RRP7A: variants seen among roughly 807,000 people sequenced by gnomAD.
RRP7A encodes ribosomal RNA processing 7 homolog A.
RRP7A carries 27 observed loss-of-function variants against 38.4 expected under a neutral mutation model. The ratio of observed to expected loss-of-function variants is 0.70; its 90% CI spans 0.52 to 0.97. The LOEUF is 0.97. RRP7A is among the 50% of genes least tolerant of loss of function. The pLI, the probability that RRP7A is intolerant of heterozygous loss-of-function variation, is 0.00. For synonymous variants in RRP7A, 124 were observed against 150.3 expected, an observed-to-expected ratio of 0.83 and a Z score of 1.28; for missense variants, 327 against 375.4, an observed-to-expected ratio of 0.87 and a Z score of 1.07.
At chr22:42,514,376 C>T in intron 5 of RRP7A, 72 bp from the exon 6 acceptor site, 2 of 1,136,818 alleles carry the variant, frequency 1.8e-6, no homozygotes, top group Non-Finnish European at 2.5e-6. Flanking sequence ...CCACGCCCTC[C>T]TCCCAAAGTC....
chr22:42,516,898 A>G (rs5758780), intron 2 of RRP7A, among the ~76,000 whole-genome samples: 81,051 of 151,644 alleles, frequency 0.53, 23,851 homozygotes, highest in East Asian at 0.88. Context: ...GTCAGAACTC[A>G]CACCCCCTCT....
At chr22:42,519,656 C>G (rs894444984) in intron 1 of RRP7A, 58 bp downstream of exon 1, 35 of 1,386,132 alleles carry the variant, frequency 2.5e-5, no homozygotes, top group Non-Finnish European at 3.2e-5. Flanking sequence ...TCGCCAACCC[C>G]CAAACACCTC....
Position 42,508,982 on chromosome 22 carries a change from T to C in RRP7A, c.*3928A>G. The C allele has an allele frequency of 6.2e-7, 1 of 1,612,024 alleles. No homozygotes were observed. Among genetic ancestry groups the C allele is most frequent in the Non-Finnish European group, 8.5e-7 (1 of 1,178,662 alleles). ...GAGATGGGTTTCGTGCCCACGAGAG[T>C]GCCTGTGCCTTGTGACGAGAATTCA... On this transcript the variant is annotated 3_prime_UTR_variant, in exon 7 of 7. Transcript: ENST00000323013.
rs181115402 is a variant in RRP7A, at chr22:42,512,949, G to C, written c.804C>G (p.Ile268Met). 9.3e-6 allele frequency: 15 copies of C among 1,613,476 alleles called. No homozygotes were observed. The highest frequency in any genetic ancestry group is 6.7e-5 in the African/African-American group (5 of 74,912). ...ATTTGCGCTGGGCCCGCAGCAGCTCGATCCTCTGCTTGTCCTCCTCGAACT... is the reference window on the plus strand; with the variant it reads ...ATTTGCGCTGGGCCCGCAGCAGCTCCATCCTCTGCTTGTCCTCCTCGAACT... ...RKKFEEDKQR[I>M]ELLRAQRKFR... Residue 268 changes from isoleucine to methionine, a missense_variant, in exon 7 of 7, where the codon ATC (isoleucine) becomes ATG (methionine). Ile to Met is a conservative substitution (Grantham distance 10). Transcript: ENST00000323013.
At position 42,512,519 on chromosome 22, in the gene RRP7A, G is replaced by C; in HGVS notation, c.*391C>G. 3 of 547,592 alleles carry C rather than the reference G, an allele frequency of 5.5e-6. No individual in the cohort carries two copies. The highest frequency in any genetic ancestry group is 2.2e-5 in the South Asian group (1 of 45,874). The allele number at this position is 547,592 out of a possible 1,614,324, so 33.9% of individuals were successfully genotyped here. A position where few individuals can be genotyped will look rare whatever the true frequency, so the allele number is the denominator to read the frequency against. Reference sequence around the variant, plus strand: ...GGCTGGGCCCACCTAGCCTTTCCCTGCTGCCCAACTGGATGGAAAATAAAA... The same window carrying C: ...GGCTGGGCCCACCTAGCCTTTCCCTCCTGCCCAACTGGATGGAAAATAAAA... On this transcript the variant is annotated 3_prime_UTR_variant, in exon 7 of 7. Coordinates refer to ENST00000323013, the MANE Select transcript of RRP7A (RefSeq NM_015703.5).
chr22:42,514,132 C>T lies in RRP7A; in HGVS notation c.731G>A (p.Trp244Ter). 1.9e-6 allele frequency: 3 copies of T among 1,613,402 alleles called. No homozygotes were observed. Among genetic ancestry groups the T allele is most frequent in the Non-Finnish European group, 1.7e-6 (2 of 1,179,844 alleles). ...SRKELLNFYA[W>*]QHRESKMEHL... The stretch of plus-strand genomic sequence containing the variant: ...CTCCATCTTGCTCTCTCGATGCTGC[C>T]AGGCGTAGAAGTTGAGCAGCTCTTT... The change falls in exon 6 of 7, where the codon TGG (tryptophan) becomes TAG (stop). Residue 244 changes from tryptophan (W) to a stop codon, truncating the protein, a stop_gained. Coordinates refer to ENST00000323013, the MANE Select transcript of RRP7A (RefSeq NM_015703.5). LOFTEE classifies it high-confidence loss of function.
chr22:42,514,898 G>A (rs1300600440), intron 4 of RRP7A, 119 bp from the exon 5 acceptor site: 1 of 875,810 alleles, frequency 1.1e-6, no homozygotes, highest in African/African-American at 1.7e-5. Context: ...CAGGTGCTAA[G>A]GAGATCCCAG....
chr22:42,512,758 T>C lies in RRP7A; in HGVS notation c.*152A>G, dbSNP rs1409893608. 2 of 786,084 alleles carry C rather than the reference T, an allele frequency of 2.5e-6. No individual in the cohort carries two copies. The highest frequency in any genetic ancestry group is 4.3e-6 in the Non-Finnish European group (2 of 466,210). 48.7% of individuals were successfully genotyped at this position (786,084 alleles called of 1,614,324 possible). A position where few individuals can be genotyped will look rare whatever the true frequency, so the allele number is the denominator to read the frequency against. ...GAGGGGTGGCCTGGTCCTTCCCTCC[T>C]GGCCTGTGTGGACTCTGATGGGGCT... On this transcript the variant is annotated 3_prime_UTR_variant, in exon 7 of 7. Transcript: ENST00000323013.
chr22:42,512,150 C>T lies in RRP7A; in HGVS notation c.*760G>A, dbSNP rs546024553. On this transcript the variant is annotated 3_prime_UTR_variant, in exon 7 of 7. Coordinates refer to ENST00000323013, the MANE Select transcript of RRP7A (RefSeq NM_015703.5). ...AGTTTGTGGAAGTCCCAGGCAATCA[C>T]TGTGTCCACATGAGCGAACCCCAGC... 3.9e-4 allele frequency: 600 copies of T among 1,534,464 alleles called. 5 individuals are homozygous for T. The highest frequency in any genetic ancestry group is 9.6e-5 in the Non-Finnish European group (106 of 1,106,630).
rs1404220855 is a variant in RRP7A at position 42,512,071 on chromosome 22, T to C, written c.*839A>G. 4.8e-6 allele frequency: 7 copies of C among 1,463,864 alleles called. No homozygotes were observed. The African/African-American group carries it at 9.6e-5, about 20-fold the overall frequency. The allele number at this position is 1,463,864 out of a possible 1,614,324, so 90.7% of individuals were successfully genotyped here. On this transcript the variant is annotated 3_prime_UTR_variant, in exon 7 of 7. Coordinates refer to ENST00000323013, the MANE Select transcript of RRP7A (RefSeq NM_015703.5). ...TGACCCCGGGGCCCATGGAGCTCCCTAGGCTCCTCTGGCCACATCTCACTA... is the reference window on the plus strand; with the variant it reads ...TGACCCCGGGGCCCATGGAGCTCCCCAGGCTCCTCTGGCCACATCTCACTA...
Position 42,519,718 on chromosome 22 carries a change from G to A in RRP7A, c.69C>T (p.Tyr23=). The A allele has an allele frequency of 6.9e-7, 1 of 1,459,504 alleles. No individual in the cohort carries two copies. The highest frequency in any genetic ancestry group is 2.6e-5 in the Admixed American group (1 of 39,072). 90.4% of individuals were successfully genotyped at this position (1,459,504 alleles called of 1,614,324 possible). A position where few individuals can be genotyped will look rare whatever the true frequency, so the allele number is the denominator to read the frequency against. Reference sequence around the variant, plus strand: ...TCGCGTCCCGGAGCCCCTCACCTGCGTAGCCCAGTGGGCTGGGGATACGGT... The same window carrying A: ...TCGCGTCCCGGAGCCCCTCACCTGCATAGCCCAGTGGGCTGGGGATACGGT... ...PEDRIPSPLG[Y]AAIPIKFSEK... Residue 23 remains tyrosine (Y), a synonymous_variant, in exon 1 of 7, where the codon TAC becomes TAT. Coordinates refer to ENST00000323013, the MANE Select transcript of RRP7A (RefSeq NM_015703.5).
rs745424965 is a variant in RRP7A at position 42,516,142 on chromosome 22, G to A, written c.217-6C>T. ...AGGAGGCGGGACAGGCTCTCCTGCC[G>A]CAGGGAGAGGGAAGCCAAGTGTGAG... is the stretch of plus-strand genomic sequence containing the variant. On this transcript the variant is annotated splice_polypyrimidine_tract_variant and splice_region_variant and intron_variant, in intron 2 of 6. Transcript: ENST00000323013. The A allele has an allele frequency of 2.0e-5, 33 of 1,612,238 alleles. 1 individual carries two copies. The highest frequency in any genetic ancestry group is 1.8e-4 in the East Asian group (8 of 44,800).
chr22:42,515,962 A>G, intron 3 of RRP7A, 49 bp downstream of exon 3: 2 of 1,544,292 alleles, frequency 1.3e-6, no homozygotes, highest in Admixed American at 2.0e-5. Flanking sequence ...CACTGGGGAC[A>G]GTGCCCCACC....
At position 42,510,451 on chromosome 22, in the gene RRP7A, C is replaced by G; in HGVS notation, c.*2459G>C. The G allele has an allele frequency of 6.6e-6, 2 of 303,232 alleles. No homozygotes were observed. The highest frequency in any genetic ancestry group is 6.4e-6 in the Non-Finnish European group (1 of 156,728). The allele number at this position is 303,232 out of a possible 1,614,324, so 18.8% of individuals were successfully genotyped here. On this transcript the variant is annotated 3_prime_UTR_variant, in exon 7 of 7. Transcript: ENST00000323013. The stretch of plus-strand genomic sequence containing the variant: ...TTGCGCCTGGCTTGTGCCAGCTGAG[C>G]GTGAGCTGAGATTAACTGAGCCTCA...
At position 42,508,700 on chromosome 22, in the gene RRP7A, A is replaced by T. The variant is rs1269572183; in HGVS notation, c.*4210T>A. Among the ~76,000 whole-genome samples the T allele has an allele frequency of 6.6e-6, 1 of 152,214 alleles. No individual in the cohort carries two copies. Among genetic ancestry groups the T allele is most frequent in the Non-Finnish European group, 1.5e-5 (1 of 68,030 alleles). ...GGAAGGGCCACACCTAAGTCCTAAA[A>T]TCCAGGCCCAAAAGTGGCCCAACTC... On this transcript the variant is annotated 3_prime_UTR_variant, in exon 7 of 7. Coordinates refer to ENST00000323013, the MANE Select transcript of RRP7A (RefSeq NM_015703.5).
chr22:42,509,466 G>A lies in RRP7A; in HGVS notation c.*3444C>T, dbSNP rs931590053. Among the ~76,000 whole-genome samples the A allele has an allele frequency of 6.0e-5, 9 of 150,764 alleles. No homozygotes were observed. The highest frequency in any genetic ancestry group is 2.2e-4 in the African/African-American group (9 of 41,326). ...TCCTGCCTCAGCCTCCCGAGTAGCT[G>A]GGACTACAGGCGCCCGCCACCACGC... is the stretch of plus-strand genomic sequence containing the variant. On this transcript the variant is annotated 3_prime_UTR_variant, in exon 7 of 7. Coordinates refer to ENST00000323013, the MANE Select transcript of RRP7A (RefSeq NM_015703.5).
Position 42,514,339 on chromosome 22 carries a change from C to T in RRP7A, c.559-35G>A. ...AGGTGATCCCATCCTCCGGTGGGAC[C>T]TCCTGCAGCCTCCAGCAGCGCGCCC... On this transcript the variant is annotated intron_variant, in intron 5 of 6. Coordinates refer to ENST00000323013, the MANE Select transcript of RRP7A (RefSeq NM_015703.5). 2.0e-6 allele frequency: 3 copies of T among 1,464,126 alleles called. 1 individual carries two copies. The highest frequency in any genetic ancestry group is 2.8e-6 in the Non-Finnish European group (3 of 1,067,846). The allele number at this position is 1,464,126 out of a possible 1,614,324, so 90.7% of individuals were successfully genotyped here.
In RRP7A at chr22:42,512,047, G is replaced by C. The variant is rs1271277011; in HGVS notation, c.*863C>G. On this transcript the variant is annotated 3_prime_UTR_variant, in exon 7 of 7. Coordinates refer to ENST00000323013, the MANE Select transcript of RRP7A (RefSeq NM_015703.5). ...AGCTGGAATGCTGTGGGAGGGCCCT[G>C]ACCCCGGGGCCCATGGAGCTCCCTA... is the stretch of plus-strand genomic sequence containing the variant. The C allele has an allele frequency of 1.1e-5, 13 of 1,176,002 alleles. No individual in the cohort carries two copies. The highest frequency in any genetic ancestry group is 1.7e-5 in the Non-Finnish European group (13 of 786,910). The allele number at this position is 1,176,002 out of a possible 1,614,324, so 72.8% of individuals were successfully genotyped here.
chr22:42,510,972 C>T lies in RRP7A; in HGVS notation c.*1938G>A. The T allele has an allele frequency of 9.2e-6, 2 of 217,936 alleles. No homozygotes were observed. The highest frequency in any genetic ancestry group is 2.3e-5 in the African/African-American group (1 of 43,282). 13.5% of individuals were successfully genotyped at this position (217,936 alleles called of 1,614,324 possible). A position where few individuals can be genotyped will look rare whatever the true frequency, so the allele number is the denominator to read the frequency against. On this transcript the variant is annotated 3_prime_UTR_variant, in exon 7 of 7. Transcript: ENST00000323013. ...CTTTACCATCCTCAAGTACCCACCCCTCCTTCTTGGGGCCAGGCACAATTA... is the reference window on the plus strand; with the variant it reads ...CTTTACCATCCTCAAGTACCCACCCTTCCTTCTTGGGGCCAGGCACAATTA...
Sources: gnomAD v4.1 joint callset for allele counts (sites outside exome capture counted in the v4.1 genomes callset) on GRCh38, gnomAD v4.1.1 for gene constraint, MANE v1.5 for transcripts, NCBI Gene and HGNC (gene_info 2026-07-23, HGNC 2026-07-21) for gene names.